The following PHLPP1 variants were observed in gnomAD, a reference collection of about 807,000 sequenced individuals.
PHLPP1 encodes the protein PH domain and leucine rich repeat protein phosphatase 1, also known as PH domain leucine-rich repeat-containing protein phosphatase 1.
A neutral mutation model predicts 117.2 loss-of-function variants in PHLPP1; 42 were observed. That is an observed-to-expected ratio of 0.36 (90% CI 0.28 to 0.46). The LOEUF (loss-of-function observed/expected upper bound fraction) is 0.46. Among genes scored for constraint, PHLPP1 ranks in the 20% least tolerant of loss-of-function variants. The probability of loss-of-function intolerance (pLI) is 1.00; values close to 1 mark genes in which losing one functional copy is unlikely to be tolerated. For missense variants in PHLPP1, 2,084 were observed against 2,241.9 expected, an observed-to-expected ratio of 0.93 and a Z score of 1.42; for synonymous variants, 1,042 against 970.7, an observed-to-expected ratio of 1.07 and a Z score of -1.37.
At chr18:62,744,446 T>A (rs968684504) in intron 1 of PHLPP1, among the ~76,000 whole-genome samples, 2 of 152,244 alleles carry the variant, frequency 1.3e-5, no homozygotes, top group Non-Finnish European at 2.9e-5. Context: ...ATTCAGAGAG[T>A]GGTCAGAGTG....
intron 1 of PHLPP1, among the ~76,000 whole-genome samples, chr18:62,806,108 T>C (rs1913944345): frequency 6.6e-6 from 1 of 152,046 alleles, no homozygotes; most frequent in South Asian, 2.1e-4. Context: ...AAACTCAAAC[T>C]GAAGAATTTT....
chr18:62,815,522 C>T (rs1391795019), intron 1 of PHLPP1, among the ~76,000 whole-genome samples: 2 of 152,148 alleles, frequency 1.3e-5, no homozygotes, highest in Non-Finnish European at 2.9e-5. Context: ...TCCTTGCTGG[C>T]TGTTGGCAGG....
intron 10 of PHLPP1, among the ~76,000 whole-genome samples, chr18:62,928,566 T>C (rs1401787752): frequency 6.6e-6 from 1 of 152,190 alleles, no homozygotes; most frequent in African/African-American, 2.4e-5. Flanking sequence ...CTGGCAGGAA[T>C]GTAAAGTGAT....
At chr18:62,870,038 G>A (rs917992442) in intron 4 of PHLPP1, among the ~76,000 whole-genome samples, 1 of 152,138 alleles carries the variant, frequency 6.6e-6, no homozygotes, top group African/African-American at 2.4e-5. Flanking sequence ...GACTACAGGT[G>A]CGCGCCAACA....
chr18:62,825,978 C>T (rs1419528805), intron 1 of PHLPP1, among the ~76,000 whole-genome samples: 3 of 152,052 alleles, frequency 2.0e-5, no homozygotes, highest in East Asian at 1.9e-4. Context: ...AGAATAAATT[C>T]GGCTATAGGA....
rs1428493963 is a variant in PHLPP1, at chr18:62,979,932, T to C, written c.*501T>C. On this transcript the variant is annotated 3_prime_UTR_variant, in exon 17 of 17. Transcript: ENST00000262719. ...GAATATGGAGACTAACTCCTAGGAG[T>C]TGCTTTACTCTGTCAGGTGACTTAA... 1 of 156,004 alleles carries C rather than the reference T, an allele frequency of 6.4e-6. No individual in the cohort carries two copies. The highest frequency in any genetic ancestry group is 1.4e-5 in the Non-Finnish European group (1 of 70,742). 9.7% of individuals were successfully genotyped at this position (156,004 alleles called of 1,614,324 possible).
At chr18:62,890,505 A>C (rs7230863) in intron 4 of PHLPP1, among the ~76,000 whole-genome samples, 3,131 of 152,190 alleles carry the variant, frequency 0.021, 51 homozygotes, top group Non-Finnish European at 0.028. Flanking sequence ...ACCTCAGGTG[A>C]TCCACCCGCC....
At chr18:62,755,317 T>C (rs1329483752) in intron 1 of PHLPP1, among the ~76,000 whole-genome samples, 1 of 152,188 alleles carries the variant, frequency 6.6e-6, no homozygotes, top group East Asian at 1.9e-4. Flanking sequence ...TTTAGGTTCT[T>C]ACCAATACCA....
intron 1 of PHLPP1, among the ~76,000 whole-genome samples, chr18:62,762,415 CTTTTTTTTTTTTT>C (rs368710387): frequency 7.8e-6 from 1 of 127,860 alleles, no homozygotes; most frequent in Non-Finnish European, 1.7e-5. Context: ...ATTTTTTTAT[CTTTTTTTTTTTTT>C]TTTTTGAGAA....
intron 10 of PHLPP1, among the ~76,000 whole-genome samples, chr18:62,931,811 C>T (rs1216313379): frequency 6.9e-6 from 1 of 144,500 alleles, no homozygotes; most frequent in Non-Finnish European, 1.5e-5. Context: ...AGGAGAACTG[C>T]TTGAATCCGG....
At chr18:62,766,199 G>C (rs767552440) in intron 1 of PHLPP1, among the ~76,000 whole-genome samples, 1 of 146,824 alleles carries the variant, frequency 6.8e-6, no homozygotes, top group Admixed American at 6.8e-5. Flanking sequence ...GTTTCAGTCA[G>C]CAAGTTCAAC....
At chr18:62,970,746 CA>C (rs1911028071) in intron 14 of PHLPP1, among the ~76,000 whole-genome samples, 1 of 152,066 alleles carries the variant, frequency 6.6e-6, no homozygotes, top group Non-Finnish European at 1.5e-5. Context: ...GCCTGTGTGA[CA>C]GAGTGAGACT....
At chr18:62,760,717 G>A (rs1033639149) in intron 1 of PHLPP1, among the ~76,000 whole-genome samples, 1 of 152,168 alleles carries the variant, frequency 6.6e-6, no homozygotes, top group Non-Finnish European at 1.5e-5. Context: ...TAGGAATTCA[G>A]AGTTTGAGGA....
chr18:62,928,139 A>G (rs890739587), intron 10 of PHLPP1, among the ~76,000 whole-genome samples: 1 of 152,184 alleles, frequency 6.6e-6, no homozygotes, highest in African/African-American at 2.4e-5. Flanking sequence ...TCTAAGTTAT[A>G]GAAAACTGTT....
At chr18:62,732,853 G>T (rs1050383181) in intron 1 of PHLPP1, among the ~76,000 whole-genome samples, 10 of 152,184 alleles carry the variant, frequency 6.6e-5, no homozygotes, top group Non-Finnish European at 1.3e-4. Context: ...AACTGCAGAT[G>T]TGTTGGAAAT....
intron 12 of PHLPP1, among the ~76,000 whole-genome samples, chr18:62,951,017 T>C (rs899311840): frequency 6.6e-6 from 1 of 151,556 alleles, no homozygotes; most frequent in Non-Finnish European, 1.5e-5. Flanking sequence ...TCTCTCGCTC[T>C]GTTGCCCAGG....
chr18:62,972,880 C>T (rs190418476), intron 15 of PHLPP1, among the ~76,000 whole-genome samples, 172 bp downstream of exon 15: 4 of 152,114 alleles, frequency 2.6e-5, no homozygotes, highest in Non-Finnish European at 4.4e-5. Flanking sequence ...AATGGTGCTC[C>T]GGTTTGAGAC....
At position 62,961,267 on chromosome 18, in the gene PHLPP1, C is replaced by T. The variant is rs147718293; in HGVS notation, c.3456-2101C>T. 4.4e-3 allele frequency among the ~76,000 whole-genome samples: 674 copies of T among 152,232 alleles called. 9 individuals carry two copies. Among genetic ancestry groups the T allele is most frequent in the African/African-American group, 0.016 (645 of 41,508 alleles). ...CCGTGTTACGCTATTGTACTCCAGC[C>T]TGGGCAGCAAGAGCGAAACTCCGTC... On this transcript the variant is annotated intron_variant, in intron 13 of 16. Coordinates refer to ENST00000262719, the MANE Select transcript of PHLPP1 (RefSeq NM_194449.4).
At chr18:62,931,747 T>C (rs1599127781) in intron 10 of PHLPP1, among the ~76,000 whole-genome samples, 1 of 151,420 alleles carries the variant, frequency 6.6e-6, no homozygotes, top group South Asian at 2.1e-4. Flanking sequence ...ACAAAACAAT[T>C]AGCTGGGCAT....
Sources: allele counts gnomAD v4.1 joint callset (sites outside exome capture counted in the v4.1 genomes callset), GRCh38; gene constraint gnomAD v4.1.1; transcripts MANE v1.5; gene names NCBI Gene and HGNC (gene_info 2026-07-23, HGNC 2026-07-21).